The following KIF15 variants were observed in gnomAD, a reference collection of about 807,000 sequenced individuals.
KIF15 encodes kinesin-like protein KIF15.
Under a neutral mutation model 190.6 loss-of-function variants are expected in KIF15, and 140 were observed. The ratio of observed to expected loss-of-function variants is 0.73; its 90% CI spans 0.64 to 0.84. The LOEUF is 0.84. KIF15 is among the 40% of genes least tolerant of loss of function. KIF15 has a pLI of 0.00. For missense variants in KIF15, 1,372 were observed against 1,584.4 expected, an observed-to-expected ratio of 0.87 and a Z score of 2.28; for synonymous variants, 528 against 551.3, an observed-to-expected ratio of 0.96 and a Z score of 0.59.
intron 6 of KIF15, among the ~76,000 whole-genome samples, chr3:44,866,351 C>T (rs771231236): frequency 1.3e-5 from 2 of 152,148 alleles, no homozygotes; most frequent in South Asian, 2.1e-4. Flanking sequence ...GGATTACAGG[C>T]GTGAGCCACT....
chr3:44,765,065 C>T (rs767369705), intron 1 of KIF15, among the ~76,000 whole-genome samples: 12 of 152,204 alleles, frequency 7.9e-5, no homozygotes, highest in East Asian at 1.9e-4. Flanking sequence ...AGCATGCCTT[C>T]GTTCAAATCC....
chr3:44,766,683 A>G (rs1319195009), intron 1 of KIF15, among the ~76,000 whole-genome samples: 2 of 152,124 alleles, frequency 1.3e-5, no homozygotes, highest in Admixed American at 1.3e-4. Flanking sequence ...TCTTGTTTCA[A>G]ATAACACAGG....
intron 19 of KIF15, among the ~76,000 whole-genome samples, chr3:44,813,817 C>T (rs941402043): frequency 2.6e-5 from 4 of 152,080 alleles, no homozygotes; most frequent in African/African-American, 9.7e-5. Context: ...ACGGTTTCGC[C>T]ATGTTGGCCA....
chr3:44,814,806 A>G (rs943653040), intron 19 of KIF15, 105 bp from the exon 20 acceptor site: 2 of 834,694 alleles, frequency 2.4e-6, no homozygotes, highest in African/African-American at 3.5e-5. Flanking sequence ...TTTTCCTTAA[A>G]ATAGTCTCTT....
intron 1 of KIF15, among the ~76,000 whole-genome samples, chr3:44,769,942 T>A (rs1448288708): frequency 6.6e-6 from 1 of 152,182 alleles, no homozygotes; most frequent in Non-Finnish European, 1.5e-5. Flanking sequence ...AACCTCTGGA[T>A]GACAGGCACT....
At chr3:44,799,496 G>A (rs1707154588) in intron 10 of KIF15, among the ~76,000 whole-genome samples, 1 of 151,846 alleles carries the variant, frequency 6.6e-6, no homozygotes, top group Non-Finnish European at 1.5e-5. Context: ...CTCAGCTGTT[G>A]GCACTCGTTA....
intron 20 of KIF15, among the ~76,000 whole-genome samples, chr3:44,819,028 C>T (rs1708148286): frequency 6.6e-6 from 1 of 152,110 alleles, no homozygotes; most frequent in African/African-American, 2.4e-5. Context: ...AGTTTATTTG[C>T]GTAGAGGTGT....
intron 7 of KIF15, among the ~76,000 whole-genome samples, chr3:44,790,226 A>G (rs1706619897): frequency 6.6e-6 from 1 of 151,436 alleles, no homozygotes. Context: ...CTCCAAGGCT[A>G]GAGTGTAGTG....
intron 16 of KIF15, among the ~76,000 whole-genome samples, chr3:44,810,245 G>T (rs1246313390): frequency 2.6e-5 from 4 of 151,970 alleles, no homozygotes; most frequent in African/African-American, 9.6e-5. Flanking sequence ...TTCCTAATTT[G>T]TTCTTTTTAT....
chr3:44,868,344 T>C (rs543127095), intron 6 of KIF15, among the ~76,000 whole-genome samples: 1 of 152,270 alleles, frequency 6.6e-6, no homozygotes, highest in African/African-American at 2.4e-5. Flanking sequence ...TACCACATTA[T>C]GTTTATACAT....
chr3:44,822,486 G>C (rs558905653), intron 20 of KIF15, among the ~76,000 whole-genome samples: 1 of 151,970 alleles, frequency 6.6e-6, no homozygotes, highest in African/African-American at 2.4e-5. Flanking sequence ...TGTGTCTTGG[G>C]GTTGCTCTTC....
intron 6 of KIF15, among the ~76,000 whole-genome samples, chr3:44,868,673 C>G (rs976645432): frequency 6.6e-6 from 1 of 152,214 alleles, no homozygotes. Flanking sequence ...AAATAAATAT[C>G]TGTTGTTTAG....
intron 1 of KIF15, among the ~76,000 whole-genome samples, chr3:44,773,318 G>T (rs1354474413): frequency 6.6e-6 from 1 of 152,210 alleles, no homozygotes; most frequent in East Asian, 1.9e-4. Context: ...CCTGGGGCTT[G>T]AACCTAGCTG....
At chr3:44,803,304 T>C (rs1252284803) in intron 14 of KIF15, among the ~76,000 whole-genome samples, 1 of 152,228 alleles carries the variant, frequency 6.6e-6, no homozygotes, top group Non-Finnish European at 1.5e-5. Context: ...GTATTTGAAA[T>C]GAAAAGTCTT....
chr3:44,807,849 A>G (rs79722385), intron 16 of KIF15, among the ~76,000 whole-genome samples: 120 of 152,304 alleles, frequency 7.9e-4, no homozygotes, highest in African/African-American at 2.8e-3. Flanking sequence ...ATAATGATTT[A>G]TTCAACCTGG....
intron 8 of KIF15, among the ~76,000 whole-genome samples, chr3:44,796,678 G>A (rs1366253499): frequency 6.6e-6 from 1 of 152,062 alleles, no homozygotes; most frequent in Non-Finnish European, 1.5e-5. Context: ...TGCAGACCCA[G>A]TTTTCAAAAT....
At chr3:44,838,077 G>A (rs1698413309) in intron 26 of KIF15, among the ~76,000 whole-genome samples, 198 bp from the exon 27 acceptor site, 1 of 152,160 alleles carries the variant, frequency 6.6e-6, no homozygotes, top group African/African-American at 2.4e-5. Context: ...TATGTTTACT[G>A]TAATAATGTT....
chr3:44,805,896 C>T lies in KIF15; in HGVS notation c.1881C>T (p.Asn627=). The stretch of plus-strand genomic sequence containing the variant: ...AGCTTCAGTCTTTGCAAAAAGCGAA[C>T]CTTAATCTTGAAAACCTTTTGGAAG... ...ESELQSLQKA[N]LNLENLLEAT... The change falls in exon 16 of 35, where the codon AAC becomes AAT. Residue 627 remains asparagine, a synonymous_variant. Coordinates refer to ENST00000326047, the MANE Select transcript of KIF15 (RefSeq NM_020242.3). The T allele has an allele frequency of 6.2e-7, 1 of 1,614,090 alleles. No individual in the cohort carries two copies. The highest frequency in any genetic ancestry group is 8.5e-7 in the Non-Finnish European group (1 of 1,179,990).
chr3:44,784,707 A>G, intron 5 of KIF15, 138 bp from the exon 6 acceptor site: 1 of 601,212 alleles, frequency 1.7e-6, no homozygotes, highest in Non-Finnish European at 2.9e-6. Flanking sequence ...TTTCTCTCAC[A>G]GACCTAGATT....
Sources: gnomAD v4.1 joint callset for allele counts (sites outside exome capture counted in the v4.1 genomes callset) on GRCh38, gnomAD v4.1.1 for gene constraint, MANE v1.5 for transcripts, NCBI Gene and HGNC (gene_info 2026-07-23, HGNC 2026-07-21) for gene names.